TMEM131: variants seen among roughly 807,000 people sequenced by gnomAD.
TMEM131 encodes 2610524E03Rik.
A neutral mutation model predicts 211.6 loss-of-function variants in TMEM131; 66 were observed. That is an observed-to-expected ratio of 0.31 (90% confidence interval 0.26 to 0.38). The LOEUF (loss-of-function observed/expected upper bound fraction) is 0.38, where lower values mean the gene tolerates loss of function less well. TMEM131 is among the 10% of genes least tolerant of loss of function. The pLI, the probability that TMEM131 is intolerant of heterozygous loss-of-function variation, is 1.00. For synonymous variants in TMEM131, 844 were observed against 841.3 expected (o/e 1.00, Z -0.06); for missense variants, 2,036 against 2,299.3 (o/e 0.89, Z 2.34).
intron 3 of TMEM131, among the ~76,000 whole-genome samples, chr2:97,891,205 T>C (rs554132554): frequency 6.6e-6 from 1 of 152,328 alleles, no homozygotes; most frequent in Admixed American, 6.5e-5. Flanking sequence ...AGATGCAATA[T>C]AAAGAGTGGT....
At chr2:97,987,355 T>A (rs1459727823) in intron 1 of TMEM131, among the ~76,000 whole-genome samples, 1 of 152,004 alleles carries the variant, frequency 6.6e-6, no homozygotes, top group African/African-American at 2.4e-5. Context: ...ATACAAAAAT[T>A]AGCTGAGCGT....
intron 1 of TMEM131, among the ~76,000 whole-genome samples, chr2:97,931,930 TTA>T: frequency 6.6e-6 from 1 of 152,328 alleles, no homozygotes; most frequent in East Asian, 1.9e-4. Flanking sequence ...TTATCCTCTA[TTA>T]TATTCCCTAT....
intron 31 of TMEM131, among the ~76,000 whole-genome samples, chr2:97,778,880 T>G (rs191398343): frequency 3.0e-3 from 457 of 152,308 alleles, no homozygotes; most frequent in South Asian, 0.014. Context: ...TTTCTCTTTT[T>G]CCTTTACATT....
intron 1 of TMEM131, among the ~76,000 whole-genome samples, chr2:97,973,225 GAAT>G (rs1171269957): frequency 2.0e-5 from 3 of 152,172 alleles, no homozygotes; most frequent in African/African-American, 4.8e-5. Flanking sequence ...TTACACTGTA[GAAT>G]AATAACTGAT....
intron 12 of TMEM131, 116 bp from the exon 13 acceptor site, chr2:97,815,423 C>G: frequency 1.8e-6 from 1 of 555,390 alleles, no homozygotes; most frequent in Non-Finnish European, 3.1e-6. Flanking sequence ...CCAAATTGGC[C>G]AACAGAACAC....
chr2:97,930,345 A>T (rs1276967108), intron 1 of TMEM131, among the ~76,000 whole-genome samples: 2 of 151,856 alleles, frequency 1.3e-5, no homozygotes, highest in Non-Finnish European at 2.9e-5. Context: ...AACTGAAGAG[A>T]ACTACATAAA....
chr2:97,947,719 A>C (rs1045648916), intron 1 of TMEM131, among the ~76,000 whole-genome samples: 1 of 152,164 alleles, frequency 6.6e-6, no homozygotes, highest in Non-Finnish European at 1.5e-5. Context: ...CAGAAAAGCA[A>C]AGGACCCAAA....
chr2:97,876,097 C>T (rs536351942), intron 4 of TMEM131, among the ~76,000 whole-genome samples: 1 of 152,078 alleles, frequency 6.6e-6, no homozygotes, highest in African/African-American at 2.4e-5. Context: ...AAATAAACTA[C>T]AAAATCTAGA....
In TMEM131 at chr2:97,833,969, A is replaced by G. The variant is rs540001044; in HGVS notation, c.1013-543T>C. ...TGAGCCATCATGCCCAGCCCCCCAAATATTATTTTTTTGTGAAGTCAGACA... is the reference window on the plus strand; with the variant it reads ...TGAGCCATCATGCCCAGCCCCCCAAGTATTATTTTTTTGTGAAGTCAGACA... On this transcript the variant is annotated intron_variant, in intron 10 of 40. Coordinates refer to ENST00000186436, the MANE Select transcript of TMEM131 (RefSeq NM_015348.2). Among the ~76,000 whole-genome samples the G allele has an allele frequency of 2.6e-5, 4 of 152,240 alleles. No individual in the cohort carries two copies. The South Asian group carries it at 8.3e-4, about 32-fold the overall frequency.
intron 1 of TMEM131, 87 bp downstream of exon 1, chr2:97,995,389 C>T: frequency 1.6e-6 from 2 of 1,236,028 alleles, no homozygotes; most frequent in Non-Finnish European, 2.0e-6. Flanking sequence ...GCCCCGGCCG[C>T]GGCCCTTCCT....
At chr2:97,777,940 T>C (rs754410792) in intron 31 of TMEM131, among the ~76,000 whole-genome samples, 5 of 152,212 alleles carry the variant, frequency 3.3e-5, no homozygotes, top group Non-Finnish European at 7.3e-5. Flanking sequence ...GGGAGTGTCC[T>C]GCTTTGCTCC....
chr2:97,900,617 G>C (rs1675813277), intron 3 of TMEM131, among the ~76,000 whole-genome samples: 1 of 151,948 alleles, frequency 6.6e-6, no homozygotes, highest in Non-Finnish European at 1.5e-5. Context: ...GTCCACTGAT[G>C]AACACTTAGG....
At chr2:97,848,599 A>G (rs1272006757) in intron 5 of TMEM131, among the ~76,000 whole-genome samples, 1 of 152,202 alleles carries the variant, frequency 6.6e-6, no homozygotes, top group African/African-American at 2.4e-5. Context: ...CAGACAAGAA[A>G]AGTCTTGTTC....
chr2:97,982,067 G>C (rs75759809), intron 1 of TMEM131, among the ~76,000 whole-genome samples: 5,619 of 152,232 alleles, frequency 0.037, 138 homozygotes, highest in Middle Eastern at 0.082. Context: ...GCATAACTGT[G>C]GGTCATACAG....
In TMEM131 at chr2:97,772,288, TTC is replaced by T; in HGVS notation, c.4448+7_4448+8del. 6.3e-7 allele frequency: 1 copy of T among 1,596,634 alleles called. No individual in the cohort carries two copies. The highest frequency in any genetic ancestry group is 1.2e-5 in the South Asian group (1 of 86,414). ...AGACCTTATTTCTCTGTACACTTAT[TTC>T]TCTCACCTGGGTTTCACATCTGTTG... On this transcript the variant is annotated splice_region_variant and intron_variant, in intron 33 of 40. Transcript: ENST00000186436.
intron 1 of TMEM131, among the ~76,000 whole-genome samples, chr2:97,954,806 C>CAAAAAAAAAAAAAAA (rs778680522): frequency 2.7e-5 from 1 of 37,056 alleles, no homozygotes; most frequent in Non-Finnish European, 4.7e-5. Context: ...AACTCCATCT[C>CAAAAAAAAAAAAAAA]AAAAAAAAAA....
chr2:97,813,924 A>G lies in TMEM131; in HGVS notation c.1617+47T>C, dbSNP rs768770055. On this transcript the variant is annotated intron_variant, in intron 15 of 40. Coordinates refer to ENST00000186436, the MANE Select transcript of TMEM131 (RefSeq NM_015348.2). ...CTGCCTAATAAGATCTGAAAACATT[A>G]AAGGTGGGCAGGGAGTTTAAATGTT... 3 of 1,408,622 alleles carry G rather than the reference A, an allele frequency of 2.1e-6. No homozygotes were observed. In the Admixed American group the frequency reaches 7.0e-5, roughly 33 times the overall value. 87.3% of individuals were successfully genotyped at this position (1,408,622 alleles called of 1,614,324 possible). A position where few individuals can be genotyped will look rare whatever the true frequency, so the allele number is the denominator to read the frequency against.
Position 97,943,974 on chromosome 2 carries a change from T to C in TMEM131, c.188-16487A>G, listed in dbSNP as rs188137622. On this transcript the variant is annotated intron_variant, in intron 1 of 40. Transcript: ENST00000186436. ...GTGCGCGCCTGTAGTCGCAGCTACC[T>C]GGGAGGCTGAGGCAGGAGAATTGCT... 4.1e-3 allele frequency among the ~76,000 whole-genome samples: 626 copies of C among 152,038 alleles called. 3 individuals carry two copies. In the Middle Eastern group the frequency reaches 0.054, roughly 13 times the overall value.
intron 36 of TMEM131, 67 bp from the exon 37 acceptor site, chr2:97,760,981 G>A: frequency 6.3e-7 from 1 of 1,594,274 alleles, no homozygotes; most frequent in Non-Finnish European, 8.5e-7. Context: ...GAGGTGTGGG[G>A]CTGGCAGGAC....
Sources: gnomAD v4.1 joint callset for allele counts (sites outside exome capture counted in the v4.1 genomes callset) on GRCh38, gnomAD v4.1.1 for gene constraint, MANE v1.5 for transcripts, NCBI Gene and HGNC (gene_info 2026-07-23, HGNC 2026-07-21) for gene names.